RNF130: variants seen among roughly 807,000 people sequenced by gnomAD.
RNF130 encodes E3 ubiquitin-protein ligase RNF130.
In RNF130, 21 loss-of-function variants were observed where a neutral mutation model predicts 44.6. The observed-to-expected ratio is 0.47, with a 90% CI of 0.33 to 0.68. The LOEUF is 0.68. RNF130 is among the 30% of genes least tolerant of loss of function. The pLI is 0.02. For synonymous variants in RNF130, 214 were observed against 210.4 expected (o/e 1.02, Z -0.15); for missense variants, 479 against 560.6 (o/e 0.85, Z 1.47).
chr5:179,931,775 AAAAC>A (rs3078899), intron 7 of RNF130, among the ~76,000 whole-genome samples: 5 of 150,862 alleles, frequency 3.3e-5, no homozygotes, highest in Non-Finnish European at 7.4e-5. Context: ...ACTCTGTCTT[AAAAC>A]AAACAAACAA....
intron 2 of RNF130, among the ~76,000 whole-genome samples, chr5:180,025,261 T>A (rs995426804): frequency 6.6e-6 from 1 of 152,218 alleles, no homozygotes; most frequent in Non-Finnish European, 1.5e-5. Context: ...ACATCCTCCG[T>A]CCTGGAACCT....
intron 1 of RNF130, among the ~76,000 whole-genome samples, chr5:180,055,362 A>G (rs187988524): frequency 3.4e-4 from 51 of 151,172 alleles, no homozygotes; most frequent in South Asian, 8.4e-4. Flanking sequence ...ATGCCCAGCT[A>G]GAAGTAAGTT....
At position 180,015,668 on chromosome 5, in the gene RNF130, AAAGGAGTAGGG is replaced by A. The variant is rs1763707856; in HGVS notation, c.443-2368_443-2358del. Among the ~76,000 whole-genome samples the A allele has an allele frequency of 1.8e-4, 24 of 135,570 alleles. 3 individuals carry two copies. Among genetic ancestry groups the A allele is most frequent in the East Asian group, 2.3e-4 (1 of 4,438 alleles). 88.9% of individuals were successfully genotyped at this position (135,570 alleles called of 152,430 possible). A position where few individuals can be genotyped will look rare whatever the true frequency, so the allele number is the denominator to read the frequency against. ...GGGAAAGGAGTAGGAAAGGAGTAGG[AAAGGAGTAGGG>A]AAAGGAGTAGGAAAGGAGTAGGGAA... On this transcript the variant is annotated intron_variant, in intron 2 of 8. Coordinates refer to ENST00000521389, the MANE Select transcript of RNF130 (RefSeq NM_018434.6).
At chr5:180,025,097 G>A (rs531663680) in intron 2 of RNF130, among the ~76,000 whole-genome samples, 9 of 152,318 alleles carry the variant, frequency 5.9e-5, no homozygotes, top group African/African-American at 2.2e-4. Context: ...AGCACTGTAA[G>A]CATCAATGCG....
intron 7 of RNF130, among the ~76,000 whole-genome samples, chr5:179,949,357 T>C (rs1322682623): frequency 6.6e-6 from 1 of 151,918 alleles, no homozygotes; most frequent in Non-Finnish European, 1.5e-5. Flanking sequence ...CTTGAACTCT[T>C]GGGCTCAAGT....
intron 7 of RNF130, among the ~76,000 whole-genome samples, chr5:179,947,301 AG>A (rs1239403539): frequency 6.6e-6 from 1 of 152,186 alleles, no homozygotes; most frequent in Non-Finnish European, 1.5e-5. Flanking sequence ...TGCTGCCCAC[AG>A]TAAAGTCCGT....
At chr5:179,980,249 T>C in intron 3 of RNF130, 49 bp from the exon 4 acceptor site, 1 of 1,525,042 alleles carries the variant, frequency 6.6e-7, no homozygotes, top group South Asian at 1.1e-5. Context: ...GATCTCTGAA[T>C]GACGTACTTT....
chr5:179,939,504 G>A (rs1047764333), intron 7 of RNF130: 1 of 227,050 alleles, frequency 4.4e-6, no homozygotes, highest in African/African-American at 2.4e-5. Context: ...TCCTTATGCT[G>A]GCCGTCTTCT....
chr5:179,930,217 C>T (rs1761787913), intron 7 of RNF130, among the ~76,000 whole-genome samples: 2 of 151,960 alleles, frequency 1.3e-5, no homozygotes, highest in Admixed American at 6.6e-5. Context: ...GCCACCACAC[C>T]CGGCTAATTT....
chr5:180,071,469 C>A lies in RNF130; in HGVS notation c.234G>T (p.Leu78=), dbSNP rs1765262644. ...GCCGGCACTCACCTCCGTGGAGGGGCAGCGGCGCCAGCACCTGGCCGCGGA... is the reference window on the plus strand; with the variant it reads ...GCCGGCACTCACCTCCGTGGAGGGGAAGCGGCGCCAGCACCTGGCCGCGGA... ...AEVRGQVLAP[L]PLHGVADHLG... The change falls in exon 1 of 9, where the codon CTG becomes CTT. Residue 78 remains leucine (L), a synonymous_variant. Transcript: ENST00000521389. The A allele has an allele frequency of 2.4e-6, 3 of 1,245,758 alleles. No individual in the cohort carries two copies. Among genetic ancestry groups the A allele is most frequent in the South Asian group, 6.8e-5 (2 of 29,370 alleles). 77.2% of individuals were successfully genotyped at this position (1,245,758 alleles called of 1,614,324 possible). A position where few individuals can be genotyped will look rare whatever the true frequency, so the allele number is the denominator to read the frequency against.
intron 7 of RNF130, among the ~76,000 whole-genome samples, chr5:179,946,738 T>G (rs1762048311): frequency 6.6e-6 from 1 of 152,094 alleles, no homozygotes; most frequent in Non-Finnish European, 1.5e-5. Flanking sequence ...GTATTTTTAG[T>G]AGAGACGGGG....
rs1399401294 is a variant in RNF130 at position 179,945,302 on chromosome 5, G to C, written c.1150+21504C>G. On this transcript the variant is annotated intron_variant, in intron 7 of 7. Transcript: ENST00000522208. ...CTGACTGCACCTGGGAAAACAGTGG[G>C]ACCCAATGGACCCAAACGCTGCACA... Among the ~76,000 whole-genome samples, 6 of 152,182 alleles carry C rather than the reference G, an allele frequency of 3.9e-5. No homozygotes were observed. In the East Asian group the frequency reaches 7.7e-4, roughly 20 times the overall value.
chr5:179,929,655 G>A (rs1402874431), intron 7 of RNF130, among the ~76,000 whole-genome samples: 1 of 152,092 alleles, frequency 6.6e-6, no homozygotes, highest in East Asian at 1.9e-4. Flanking sequence ...GGCTGAGGTG[G>A]GAGGATCACT....
At chr5:180,028,736 A>T (rs911402821) in intron 2 of RNF130, among the ~76,000 whole-genome samples, 3 of 152,214 alleles carry the variant, frequency 2.0e-5, no homozygotes, top group Admixed American at 6.5e-5. Flanking sequence ...CCATCACAGA[A>T]TGCCTGGCAT....
chr5:179,940,519 G>A (rs138122722), intron 7 of RNF130, among the ~76,000 whole-genome samples: 12 of 152,266 alleles, frequency 7.9e-5, no homozygotes, highest in African/African-American at 2.9e-4. Context: ...TTACAGGCAT[G>A]AGCCACTGTG....
chr5:180,062,055 C>A (rs919883856), intron 1 of RNF130, among the ~76,000 whole-genome samples: 32 of 134,934 alleles, frequency 2.4e-4, no homozygotes, highest in Non-Finnish European at 4.7e-4. Context: ...CCCCCAGCCT[C>A]TTTTTTTTTT....
At chr5:180,010,138 T>A (rs1157122526) in intron 3 of RNF130, among the ~76,000 whole-genome samples, 1 of 148,140 alleles carries the variant, frequency 6.8e-6, no homozygotes, top group Non-Finnish European at 1.5e-5. Flanking sequence ...TCCCAGCTAC[T>A]CCGGAGGCTG....
At position 180,015,840 on chromosome 5, in the gene RNF130, G is replaced by C. The variant is rs370912581; in HGVS notation, c.443-2529C>G. On this transcript the variant is annotated intron_variant, in intron 2 of 8. Coordinates refer to ENST00000521389, the MANE Select transcript of RNF130 (RefSeq NM_018434.6). ...ATTCTATTCAAAGAACACTAAATAA[G>C]AACACCAACTAATTTCAACGGGAAA... 7.9e-4 allele frequency among the ~76,000 whole-genome samples: 120 copies of C among 152,296 alleles called. 3 individuals carry two copies. The South Asian group carries it at 0.024, about 31-fold the overall frequency.
chr5:180,069,899 T>C (rs909740294), intron 1 of RNF130, among the ~76,000 whole-genome samples: 15 of 152,194 alleles, frequency 9.9e-5, no homozygotes, highest in African/African-American at 3.6e-4. Flanking sequence ...AAGACGGGGC[T>C]TTTGTTTGGG....
Sources: allele counts gnomAD v4.1 joint callset (sites outside exome capture counted in the v4.1 genomes callset), GRCh38; gene constraint gnomAD v4.1.1; transcripts MANE v1.5; gene names NCBI Gene and HGNC (gene_info 2026-07-23, HGNC 2026-07-21).